FRMD4A: variants seen among roughly 807,000 people sequenced by gnomAD.
FRMD4A encodes FERM domain containing 4A, also known as FERM domain-containing protein 4A.
FRMD4A carries 29 observed loss-of-function variants against 129.1 expected under a neutral mutation model. The ratio of observed to expected loss-of-function variants is 0.22; its 90% CI spans 0.17 to 0.31. The LOEUF (loss-of-function observed/expected upper bound fraction) is 0.31, where lower values mean the gene tolerates loss of function less well. Among genes scored for constraint, FRMD4A ranks in the 10% least tolerant of loss-of-function variants. FRMD4A has a pLI of 1.00. For missense variants in FRMD4A, 1,272 were observed against 1,375.8 expected (o/e 0.92, Z 1.19); for synonymous variants, 634 against 571.6 (o/e 1.11, Z -1.56).
At chr10:14,309,672 C>T (rs948389704) in intron 2 of FRMD4A, among the ~76,000 whole-genome samples, 1 of 152,086 alleles carries the variant, frequency 6.6e-6, no homozygotes, top group Non-Finnish European at 1.5e-5. Context: ...CCAGGCCCCC[C>T]TCCTGCCTCC....
chr10:13,862,118 T>A (rs2094302811), intron 2 of FRMD4A, among the ~76,000 whole-genome samples: 1 of 152,122 alleles, frequency 6.6e-6, no homozygotes, highest in South Asian at 2.1e-4. Flanking sequence ...TAATCATAGA[T>A]TTGAGAAAAG....
chr10:13,721,687 C>T (rs2134977610), intron 12 of FRMD4A, among the ~76,000 whole-genome samples: 1 of 152,312 alleles, frequency 6.6e-6, no homozygotes, highest in African/African-American at 2.4e-5. Flanking sequence ...CCTGTCAGCA[C>T]CAGGCCGGCT....
At chr10:14,191,550 A>T (rs1441444713) in intron 2 of FRMD4A, among the ~76,000 whole-genome samples, 1 of 152,250 alleles carries the variant, frequency 6.6e-6, no homozygotes, top group African/African-American at 2.4e-5. Flanking sequence ...TGCATCCAGC[A>T]TCATGTGACT....
chr10:14,137,053 C>T (rs878972133), intron 2 of FRMD4A, among the ~76,000 whole-genome samples: 1 of 152,236 alleles, frequency 6.6e-6, no homozygotes, highest in African/African-American at 2.4e-5. Context: ...TCCCATTCAA[C>T]AAGAGCCCTG....
intron 6 of FRMD4A, among the ~76,000 whole-genome samples, chr10:13,770,774 C>T (rs958811736): frequency 6.6e-6 from 1 of 152,112 alleles, no homozygotes; most frequent in Non-Finnish European, 1.5e-5. Flanking sequence ...ATCATGGGCA[C>T]AGCCAAGACG....
At chr10:13,827,207 G>C (rs1320508758) in intron 3 of FRMD4A, among the ~76,000 whole-genome samples, 1 of 152,140 alleles carries the variant, frequency 6.6e-6, no homozygotes, top group African/African-American at 2.4e-5. Context: ...CAAAAGAAAC[G>C]GGTTAGCTTT....
intron 2 of FRMD4A, among the ~76,000 whole-genome samples, chr10:14,204,952 A>C (rs1454953757): frequency 6.6e-6 from 1 of 152,188 alleles, no homozygotes; most frequent in Non-Finnish European, 1.5e-5. Context: ...AGAGCCACAC[A>C]GACACAAGTT....
intron 2 of FRMD4A, among the ~76,000 whole-genome samples, chr10:14,238,495 G>T (rs759496827): frequency 6.6e-6 from 1 of 152,060 alleles, no homozygotes; most frequent in Non-Finnish European, 1.5e-5. Context: ...TTTTGAGCAA[G>T]AAGCATTTTT....
chr10:14,054,335 G>C (rs981489871), intron 2 of FRMD4A, among the ~76,000 whole-genome samples: 3 of 152,080 alleles, frequency 2.0e-5, no homozygotes, highest in African/African-American at 7.2e-5. Context: ...CCCTGCCCCA[G>C]CACTGTGACT....
At chr10:14,227,615 C>T (rs187819982) in intron 2 of FRMD4A, among the ~76,000 whole-genome samples, 1 of 152,024 alleles carries the variant, frequency 6.6e-6, no homozygotes, top group African/African-American at 2.4e-5. Flanking sequence ...TTACACCAAG[C>T]CTGCATGAGG....
At chr10:13,884,112 A>ACACACACACACTCT (rs1564969797) in intron 2 of FRMD4A, among the ~76,000 whole-genome samples, 94 of 129,824 alleles carry the variant, frequency 7.2e-4, no homozygotes, top group African/African-American at 2.9e-3. Flanking sequence ...AAACACACAC[A>ACACACACACACTCT]CACACACACT....
At chr10:14,174,879 CTG>C (rs56966643) in intron 2 of FRMD4A, among the ~76,000 whole-genome samples, 7,292 of 87,492 alleles carry the variant, frequency 0.083, 485 homozygotes, top group African/African-American at 0.19. Flanking sequence ...GTGTGTGTGT[CTG>C]TGTGTGTGTG....
rs537670925 is a variant in FRMD4A at position 13,988,992 on chromosome 10, G to A, written c.46-130080C>T. Among the ~76,000 whole-genome samples the A allele has an allele frequency of 4.6e-5, 7 of 152,194 alleles. No homozygotes were observed. In the East Asian group the frequency reaches 5.8e-4, roughly 13 times the overall value. On this transcript the variant is annotated intron_variant, in intron 2 of 24. Coordinates refer to ENST00000357447, the MANE Select transcript of FRMD4A (RefSeq NM_018027.5). ...CCAGATGATTCCATTATAAACTGAC[G>A]CTTGAGAAGGTGTGCTTTAGGACAG... is the stretch of plus-strand genomic sequence containing the variant.
At chr10:13,777,639 T>G (rs542307219) in intron 6 of FRMD4A, among the ~76,000 whole-genome samples, 1 of 152,114 alleles carries the variant, frequency 6.6e-6, no homozygotes, top group Non-Finnish European at 1.5e-5. Context: ...AGTTCTGACA[T>G]TTATTCTTTT....
chr10:14,012,555 T>TA (rs1008465586), intron 2 of FRMD4A, among the ~76,000 whole-genome samples: 10 of 152,140 alleles, frequency 6.6e-5, no homozygotes, highest in African/African-American at 2.2e-4. Flanking sequence ...GTGTTGGTGA[T>TA]AATGGAGGCA....
intron 2 of FRMD4A, among the ~76,000 whole-genome samples, chr10:13,953,252 C>G (rs1367245707): frequency 6.6e-6 from 1 of 152,162 alleles, no homozygotes; most frequent in East Asian, 1.9e-4. Flanking sequence ...TTGTTCTCAT[C>G]TACCCTTAGC....
intron 2 of FRMD4A, among the ~76,000 whole-genome samples, chr10:14,324,101 G>A (rs949440769): frequency 6.6e-6 from 1 of 152,192 alleles, no homozygotes; most frequent in African/African-American, 2.4e-5. Context: ...GCCAATGCTA[G>A]CAGTTTGAGT....
At chr10:13,660,738 A>T (rs576532653) in intron 19 of FRMD4A, among the ~76,000 whole-genome samples, 185 bp from the exon 20 acceptor site, 1 of 152,304 alleles carries the variant, frequency 6.6e-6, no homozygotes, top group South Asian at 2.1e-4. Flanking sequence ...AGTCAAACCA[A>T]ACCAGGGCAA....
intron 2 of FRMD4A, among the ~76,000 whole-genome samples, chr10:14,151,982 G>C (rs758717171): frequency 6.6e-6 from 1 of 152,078 alleles, no homozygotes; most frequent in African/African-American, 2.4e-5. Context: ...TCCTGGGGGA[G>C]AAGACAGAGA....
Sources: gnomAD v4.1 joint callset for allele counts (sites outside exome capture counted in the v4.1 genomes callset) on GRCh38, gnomAD v4.1.1 for gene constraint, MANE v1.5 for transcripts, NCBI Gene and HGNC (gene_info 2026-07-23, HGNC 2026-07-21) for gene names.